The following XPR1 variants were observed in gnomAD, a reference collection of about 807,000 sequenced individuals.
XPR1 encodes solute carrier family 53 member 1.
XPR1 carries 28 observed loss-of-function variants against 87.5 expected under a neutral mutation model. The observed-to-expected ratio is 0.32, with a 90% CI of 0.24 to 0.44. The LOEUF (loss-of-function observed/expected upper bound fraction) is 0.44, where lower values mean the gene tolerates loss of function less well. Ranked by LOEUF, XPR1 falls within the 20% of genes least tolerant of loss-of-function variation. The pLI is 1.00. For synonymous variants in XPR1, 300 were observed against 306.1 expected (o/e 0.98, Z 0.21); for missense variants, 559 against 862.3 (o/e 0.65, Z 4.41).
In XPR1 at chr1:180,731,167, A is replaced by T. The variant is rs1455053478; in HGVS notation, c.121+48756A>T. Among the ~76,000 whole-genome samples the T allele has an allele frequency of 2.6e-5, 4 of 152,224 alleles. No individual in the cohort carries two copies. In the East Asian group the frequency reaches 7.7e-4, roughly 29 times the overall value. ...ATCTGCACCATTCAATAGAAATACA[A>T]TGTGAACCACATATGCAGTTTAAAA... On this transcript the variant is annotated intron_variant, in intron 2 of 14. Transcript: ENST00000367590.
chr1:180,760,737 A>C (rs1053885041), intron 2 of XPR1, among the ~76,000 whole-genome samples: 2 of 152,176 alleles, frequency 1.3e-5, no homozygotes, highest in African/African-American at 4.8e-5. Context: ...CTACCAATGG[A>C]CTTTCTTCAC....
At chr1:180,637,630 T>C (rs1028049118) in intron 1 of XPR1, among the ~76,000 whole-genome samples, 1 of 152,202 alleles carries the variant, frequency 6.6e-6, no homozygotes, top group African/African-American at 2.4e-5. Context: ...CTCAGCTCAC[T>C]ACAACCTCCG....
At chr1:180,872,684 G>A (rs1652540515) in intron 12 of XPR1, among the ~76,000 whole-genome samples, 2 of 139,656 alleles carry the variant, frequency 1.4e-5, no homozygotes, top group East Asian at 2.1e-4. Flanking sequence ...CTCGCGCACG[G>A]TGCGCACACA....
chr1:180,759,121 G>A (rs1468065814), intron 2 of XPR1, among the ~76,000 whole-genome samples: 1 of 152,190 alleles, frequency 6.6e-6, no homozygotes, highest in Non-Finnish European at 1.5e-5. Context: ...AAAGCAGTGT[G>A]TAGAAGGAAA....
chr1:180,876,383 C>A (rs1426647854), intron 13 of XPR1, among the ~76,000 whole-genome samples: 1 of 152,136 alleles, frequency 6.6e-6, no homozygotes, highest in Admixed American at 6.5e-5. Context: ...CACCTGTAAT[C>A]CCAGCACTTT....
intron 6 of XPR1, 115 bp from the exon 7 acceptor site, chr1:180,811,292 T>G: frequency 1.2e-6 from 1 of 847,376 alleles, no homozygotes; most frequent in Non-Finnish European, 1.9e-6. Flanking sequence ...ATTTAGAACA[T>G]TAAATATTAT....
intron 1 of XPR1, among the ~76,000 whole-genome samples, chr1:180,661,014 A>G (rs1007689619): frequency 1.3e-5 from 2 of 152,170 alleles, no homozygotes; most frequent in African/African-American, 2.4e-5. Context: ...TTTGCTGTAT[A>G]TATCTGGGTG....
chr1:180,806,277 C>T (rs557165632), intron 5 of XPR1, 66 bp downstream of exon 5: 2 of 1,573,332 alleles, frequency 1.3e-6, no homozygotes, highest in Admixed American at 1.8e-5. Flanking sequence ...GGAAGCAATT[C>T]CTTATTTCTG....
At chr1:180,702,300 GA>G (rs1657368967) in intron 2 of XPR1, among the ~76,000 whole-genome samples, 1 of 129,490 alleles carries the variant, frequency 7.7e-6, no homozygotes, top group East Asian at 2.2e-4. Context: ...TGGTCTGAGA[GA>G]TAGTTTGTTA....
intron 1 of XPR1, among the ~76,000 whole-genome samples, chr1:180,649,318 G>A (rs1655219378): frequency 6.6e-6 from 1 of 151,972 alleles, no homozygotes; most frequent in African/African-American, 2.4e-5. Flanking sequence ...TGTAGTCCCA[G>A]CTACTCGGGA....
chr1:180,677,408 G>A (rs575302192), intron 1 of XPR1, among the ~76,000 whole-genome samples: 3 of 152,266 alleles, frequency 2.0e-5, no homozygotes, highest in African/African-American at 4.8e-5. Context: ...AATCGGGAGT[G>A]CTGATTGGTT....
At chr1:180,649,222 G>A (rs1423740154) in intron 1 of XPR1, among the ~76,000 whole-genome samples, 3 of 151,480 alleles carry the variant, frequency 2.0e-5, no homozygotes, top group Non-Finnish European at 2.9e-5. Context: ...TCAGGTGATC[G>A]AGACCATCCT....
At chr1:180,677,000 G>T (rs1427191108) in intron 1 of XPR1, among the ~76,000 whole-genome samples, 1 of 152,130 alleles carries the variant, frequency 6.6e-6, no homozygotes, top group Non-Finnish European at 1.5e-5. Flanking sequence ...CCACTTCTGG[G>T]ACCAAATGTG....
chr1:180,686,655 G>A (rs1305974598), intron 2 of XPR1, among the ~76,000 whole-genome samples: 1 of 151,682 alleles, frequency 6.6e-6, no homozygotes, highest in African/African-American at 2.4e-5. Flanking sequence ...AGAGTTGAGT[G>A]CAAAAAAATA....
At chr1:180,767,130 G>C (rs1192824181) in intron 2 of XPR1, among the ~76,000 whole-genome samples, 5 of 152,172 alleles carry the variant, frequency 3.3e-5, no homozygotes, top group African/African-American at 1.2e-4. Context: ...AAAAGGGGGA[G>C]GGGAATCCTA....
At chr1:180,775,586 G>A (rs1434907439) in intron 2 of XPR1, among the ~76,000 whole-genome samples, 1 of 152,058 alleles carries the variant, frequency 6.6e-6, no homozygotes, top group African/African-American at 2.4e-5. Flanking sequence ...AAAGAACTAG[G>A]ATTACTAATA....
intron 2 of XPR1, among the ~76,000 whole-genome samples, chr1:180,697,418 ATTGT>A (rs1657206669): frequency 6.7e-6 from 1 of 150,090 alleles, no homozygotes; most frequent in Non-Finnish European, 1.5e-5. Context: ...TATTTTGCTG[ATTGT>A]TTGTATATTT....
At chr1:180,635,477 T>C (rs549360698) in intron 1 of XPR1, among the ~76,000 whole-genome samples, 33 of 152,336 alleles carry the variant, frequency 2.2e-4, no homozygotes, top group Admixed American at 1.7e-3. Flanking sequence ...ATATATTTGG[T>C]GCCTTAGGCT....
intron 12 of XPR1, among the ~76,000 whole-genome samples, chr1:180,864,636 T>A (rs1652328036): frequency 6.7e-6 from 1 of 149,252 alleles, no homozygotes; most frequent in South Asian, 2.1e-4. Flanking sequence ...CATAGATAAT[T>A]CTTTAGGAAT....
Sources: allele counts gnomAD v4.1 joint callset (sites outside exome capture counted in the v4.1 genomes callset), GRCh38; gene constraint gnomAD v4.1.1; transcripts MANE v1.5; gene names NCBI Gene and HGNC (gene_info 2026-07-23, HGNC 2026-07-21).